Variants in AGAP1 observed in about 807,000 individuals in gnomAD.
AGAP1 encodes the protein ArfGAP with GTPase domain, ankyrin repeat and PH domain 1.
AGAP1 carries 29 observed loss-of-function variants against 105.3 expected under a neutral mutation model. The ratio of observed to expected loss-of-function variants is 0.28; its 90% confidence interval spans 0.21 to 0.38. The LOEUF is 0.38. Among genes scored for constraint, AGAP1 ranks in the 10% least tolerant of loss-of-function variants. The pLI is 1.00. For synonymous variants in AGAP1, 509 were observed against 485.9 expected, an observed-to-expected ratio of 1.05 and a Z score of -0.63; for missense variants, 998 against 1,165.1, an observed-to-expected ratio of 0.86 and a Z score of 2.09.
Position 235,830,838 on chromosome 2 carries a change from G to T in AGAP1, c.1050+23507G>T, listed in dbSNP as rs1046383214. On this transcript the variant is annotated intron_variant, in intron 9 of 17. Transcript: ENST00000304032. This position sits in a 1 kb window ranked among gnomAD's most constrained non-coding sequence, Gnocchi z 5.5. ...CTCATTCTTCTCAGGTCCACCTGTC[G>T]GTAGGCCCAGTAGTCAACTCCTAAC... Among the ~76,000 whole-genome samples, 7 of 152,098 alleles carry T rather than the reference G, an allele frequency of 4.6e-5. No homozygotes were observed. Among genetic ancestry groups the T allele is most frequent in the African/African-American group, 1.7e-4 (7 of 41,420 alleles).
At chr2:235,796,957 T>C (rs555759863) in intron 6 of AGAP1, among the ~76,000 whole-genome samples, 1 of 152,346 alleles carries the variant, frequency 6.6e-6, no homozygotes, top group Non-Finnish European at 1.5e-5. Context: ...TCAGCGAGCC[T>C]ATTTGCCAAG....
At position 235,845,781 on chromosome 2, in the gene AGAP1, C is replaced by G. The variant is rs188233373; in HGVS notation, c.1051-37564C>G. 6.2e-3 allele frequency among the ~76,000 whole-genome samples: 942 copies of G among 152,212 alleles called. 17 individuals are homozygous for G. Among genetic ancestry groups the G allele is most frequent in the Non-Finnish European group, 6.1e-3 (418 of 68,004 alleles). On this transcript the variant is annotated intron_variant, in intron 9 of 17. Transcript: ENST00000304032. This position sits in a 1 kb window ranked among gnomAD's most constrained non-coding sequence, Gnocchi z 4.8. Reference sequence around the variant, plus strand: ...TGGTCACCAAGTCCTTCTTCCCTTTCTTCCTGAGCATCTGTCCCGTCGTGC... The same window carrying G: ...TGGTCACCAAGTCCTTCTTCCCTTTGTTCCTGAGCATCTGTCCCGTCGTGC...
chr2:236,118,917 T>A lies in AGAP1; in HGVS notation c.2115-1275T>A, dbSNP rs75985841. ...CTCTTTTTTGAGAAACCAGAAACCATCATCAGTAGCCACAAAGTACAGGAG... is the reference window on the plus strand; with the variant it reads ...CTCTTTTTTGAGAAACCAGAAACCAACATCAGTAGCCACAAAGTACAGGAG... On this transcript the variant is annotated intron_variant, in intron 16 of 17. Transcript: ENST00000304032. Among the ~76,000 whole-genome samples the A allele has an allele frequency of 2.2e-3, 332 of 152,176 alleles. 3 individuals carry two copies. Among genetic ancestry groups the A allele is most frequent in the African/African-American group, 7.6e-3 (316 of 41,508 alleles).
intron 1 of AGAP1, among the ~76,000 whole-genome samples, chr2:235,519,676 A>C (rs1281566532): frequency 6.6e-6 from 1 of 152,204 alleles, no homozygotes; most frequent in Non-Finnish European, 1.5e-5. Flanking sequence ...ATCCAAACAC[A>C]CATATATGTA....
intron 1 of AGAP1, among the ~76,000 whole-genome samples, chr2:235,673,447 A>G (rs1948547414): frequency 6.6e-6 from 1 of 152,206 alleles, no homozygotes; most frequent in African/African-American, 2.4e-5. Flanking sequence ...GATCTGAGGA[A>G]GGTAAAATGG....
At chr2:235,818,088 C>G (rs937251796) in intron 9 of AGAP1, among the ~76,000 whole-genome samples, 2 of 152,214 alleles carry the variant, frequency 1.3e-5, no homozygotes, top group Admixed American at 1.3e-4. Context: ...TACTCCCTAA[C>G]CTTTCCTTCT....
chr2:235,772,606 G>T (rs1955545659), intron 6 of AGAP1, among the ~76,000 whole-genome samples: 1 of 152,202 alleles, frequency 6.6e-6, no homozygotes, highest in South Asian at 2.1e-4. Context: ...CTGTGAAATG[G>T]ATCTGCCTTT....
rs548446771 is a variant in AGAP1, at chr2:235,635,132, T to C, written c.164-74047T>C. Among the ~76,000 whole-genome samples the C allele has an allele frequency of 6.6e-6, 1 of 152,254 alleles. No homozygotes were observed. The highest frequency in any genetic ancestry group is 1.9e-4 in the East Asian group (1 of 5,186). The stretch of plus-strand genomic sequence containing the variant: ...ACCTGGTGGTCTAGAGGTACTGTGG[T>C]ATAAGTAGAAAGAGCAGCTGGACTT... On this transcript the variant is annotated intron_variant, in intron 1 of 17. Coordinates refer to ENST00000304032, the MANE Select transcript of AGAP1 (RefSeq NM_001037131.3). The surrounding 1 kb of genome is among the most constrained non-coding windows in gnomAD (Gnocchi z 5.3).
rs772724297 is a variant in AGAP1 at position 236,003,744 on chromosome 2, C to T, written c.1646-32817C>T. Among the ~76,000 whole-genome samples the T allele has an allele frequency of 2.6e-5, 4 of 152,092 alleles. No homozygotes were observed. Among genetic ancestry groups the T allele is most frequent in the Non-Finnish European group, 4.4e-5 (3 of 68,016 alleles). ...TAACCCCACTGAAACCTGACAAGGC[C>T]TGTGTGCAGCTCACTGTGGAGGGGT... On this transcript the variant is annotated intron_variant, in intron 13 of 17. Coordinates refer to ENST00000304032, the MANE Select transcript of AGAP1 (RefSeq NM_001037131.3). The surrounding 1 kb of genome is among the most constrained non-coding windows in gnomAD (Gnocchi z 4.2).
In AGAP1 at chr2:235,938,706, G is replaced by A. The variant is rs367914356; in HGVS notation, c.1483+7783G>A. Among the ~76,000 whole-genome samples the A allele has an allele frequency of 5.3e-5, 8 of 152,190 alleles. No homozygotes were observed. The South Asian group carries it at 1.5e-3, about 28-fold the overall frequency. ...GGTTCTGAATGTCTCACTGGGCTCC[G>A]AGGATCCTTTCGGGGGCCACATTTT... On this transcript the variant is annotated intron_variant, in intron 12 of 17. Coordinates refer to ENST00000304032, the MANE Select transcript of AGAP1 (RefSeq NM_001037131.3).
Position 236,046,903 on chromosome 2 carries a change from C to T in AGAP1, c.1892-2156C>T, listed in dbSNP as rs1483063430. On this transcript the variant is annotated intron_variant, in intron 15 of 17. Transcript: ENST00000304032. The surrounding 1 kb of genome is among the most constrained non-coding windows in gnomAD (Gnocchi z 5.2). ...ATCCCAACACTTTGGGAGGCCCAGG[C>T]AGGAGGATTGCTTGAGCCCAGTGGT... is the stretch of plus-strand genomic sequence containing the variant. Among the ~76,000 whole-genome samples, 1 of 152,180 alleles carries T rather than the reference C, an allele frequency of 6.6e-6. No individual in the cohort carries two copies. The highest frequency in any genetic ancestry group is 1.5e-5 in the Non-Finnish European group (1 of 68,038).
chr2:235,972,368 A>G (rs927661394), intron 13 of AGAP1, among the ~76,000 whole-genome samples: 1 of 152,218 alleles, frequency 6.6e-6, no homozygotes, highest in Non-Finnish European at 1.5e-5. Flanking sequence ...CTTTGAATCC[A>G]TTGGTCAGTA....
chr2:236,114,467 T>C lies in AGAP1; in HGVS notation c.2115-5725T>C, dbSNP rs532017605. On this transcript the variant is annotated intron_variant, in intron 16 of 17. Transcript: ENST00000304032. The surrounding 1 kb of genome is among the most constrained non-coding windows in gnomAD (Gnocchi z 5.0). ...ATCCAGAGTATGTGTCAGCTCAGGC[T>C]GCCAAAATAAAGTATTACACTTGGG... Among the ~76,000 whole-genome samples, 2 of 152,346 alleles carry C rather than the reference T, an allele frequency of 1.3e-5. No homozygotes were observed. The highest frequency in any genetic ancestry group is 1.9e-4 in the East Asian group (1 of 5,176).
At chr2:236,039,276 TCTCTACAAAA>T (rs2057476578) in intron 14 of AGAP1, among the ~76,000 whole-genome samples, 1 of 151,890 alleles carries the variant, frequency 6.6e-6, no homozygotes, top group South Asian at 2.1e-4. Context: ...GAGACCATTG[TCTCTACAAAA>T]AAATTTTTAA....
rs143443114 is a variant in AGAP1, at chr2:235,700,566, G to A, written c.164-8613G>A. Among the ~76,000 whole-genome samples the A allele has an allele frequency of 8.5e-4, 130 of 152,254 alleles. No homozygotes were observed. Among genetic ancestry groups the A allele is most frequent in the Non-Finnish European group, 1.7e-3 (115 of 68,010 alleles). On this transcript the variant is annotated intron_variant, in intron 1 of 17. Coordinates refer to ENST00000304032, the MANE Select transcript of AGAP1 (RefSeq NM_001037131.3). The surrounding 1 kb of genome is among the most constrained non-coding windows in gnomAD (Gnocchi z 6.1). ...TGTAATCCCAGCACTTTGGGAGGCC[G>A]AGGCAGGTGGATCATTTGAAGTCAG...
rs779490230 is a variant in AGAP1 at position 236,050,317 on chromosome 2, T to G, written c.2114+1036T>G. ...GCCACCTTTGGCTCACTGGAGAGAA[T>G]GAAGCTGGTGTGTTACTCATCTGGC... On this transcript the variant is annotated intron_variant, in intron 16 of 17. Transcript: ENST00000304032. The surrounding 1 kb of genome is among the most constrained non-coding windows in gnomAD (Gnocchi z 4.0). 6.6e-6 allele frequency among the ~76,000 whole-genome samples: 1 copy of G among 152,198 alleles called. No homozygotes were observed. Among genetic ancestry groups the G allele is most frequent in the Non-Finnish European group, 1.5e-5 (1 of 68,042 alleles).
intron 16 of AGAP1, among the ~76,000 whole-genome samples, chr2:236,057,415 C>A (rs1008595884): frequency 1.8e-4 from 27 of 152,284 alleles, no homozygotes; most frequent in Middle Eastern, 3.4e-3. Flanking sequence ...GGCCAAAACT[C>A]GACCTTACAA....
intron 16 of AGAP1, among the ~76,000 whole-genome samples, chr2:236,115,952 GT>G (rs1379178614): frequency 2.0e-5 from 3 of 151,350 alleles, no homozygotes; most frequent in African/African-American, 7.3e-5. Flanking sequence ...CTACAGGTGT[GT>G]GCCACCATGC....
chr2:236,035,146 C>T lies in AGAP1; in HGVS notation c.1646-1415C>T, dbSNP rs1206752961. Among the ~76,000 whole-genome samples, 2 of 152,078 alleles carry T rather than the reference C, an allele frequency of 1.3e-5. No homozygotes were observed. The highest frequency in any genetic ancestry group is 2.1e-4 in the South Asian group (1 of 4,810). On this transcript the variant is annotated intron_variant, in intron 13 of 17. Transcript: ENST00000304032. The surrounding 1 kb of genome is among the most constrained non-coding windows in gnomAD (Gnocchi z 4.2). ...CCAAGAGTCTGGAAGATCAGAGGTC[C>T]GTGCAGTAGACATGAGCCAGCCCAA...
Sources: allele counts gnomAD v4.1 joint callset (sites outside exome capture counted in the v4.1 genomes callset), GRCh38; gene constraint gnomAD v4.1.1; non-coding constraint Gnocchi (gnomAD v3.1); transcripts MANE v1.5; gene names NCBI Gene and HGNC (gene_info 2026-07-23, HGNC 2026-07-21).